Variants in SEMA3A observed in about 807,000 individuals in gnomAD.
The protein encoded by SEMA3A is semaphorin-3A.
In SEMA3A, 29 loss-of-function variants were observed where a neutral mutation model predicts 97.9. The ratio of observed to expected loss-of-function variants is 0.30; its 90% CI spans 0.22 to 0.40. The LOEUF (loss-of-function observed/expected upper bound fraction) is 0.40. SEMA3A is among the 10% of genes least tolerant of loss of function. The pLI is 1.00. For synonymous variants in SEMA3A, 321 were observed against 323.7 expected (o/e 0.99, Z 0.09); for missense variants, 763 against 951.3 (o/e 0.80, Z 2.60).
At chr7:84,064,694 G>A (rs1793404379) in intron 4 of SEMA3A, among the ~76,000 whole-genome samples, 1 of 150,952 alleles carries the variant, frequency 6.6e-6, no homozygotes, top group African/African-American at 2.4e-5. Flanking sequence ...TAATGGTAAA[G>A]GGATCAATTC....
At chr7:83,986,957 ATCTC>A (rs3073594) in intron 12 of SEMA3A, among the ~76,000 whole-genome samples, 35,098 of 149,048 alleles carry the variant, frequency 0.24, 4,332 homozygotes, top group Middle Eastern at 0.3. Flanking sequence ...CTCTTCTCTC[ATCTC>A]TCTCTCTTTC....
intron 4 of SEMA3A, among the ~76,000 whole-genome samples, chr7:84,097,319 T>C (rs1794805606): frequency 6.6e-6 from 1 of 152,144 alleles, no homozygotes; most frequent in Non-Finnish European, 1.5e-5. Context: ...AGGTAACTGA[T>C]TGAAACAGAA....
At chr7:84,303,987 C>T (rs1015414611) in intron 3 of SEMA3A, among the ~76,000 whole-genome samples, 3 of 152,078 alleles carry the variant, frequency 2.0e-5, no homozygotes, top group Middle Eastern at 3.2e-3. Context: ...CTCTTAATGG[C>T]TTTGTTTTAA....
At chr7:84,403,047 G>T (rs533868209) in intron 1 of SEMA3A, among the ~76,000 whole-genome samples, 50 of 152,228 alleles carry the variant, frequency 3.3e-4, no homozygotes, top group Middle Eastern at 6.8e-3. Flanking sequence ...CGGAGAGTGG[G>T]TGCAGGACAG....
intron 4 of SEMA3A, among the ~76,000 whole-genome samples, chr7:84,096,606 T>A (rs1794782758): frequency 6.6e-6 from 1 of 152,232 alleles, no homozygotes; most frequent in East Asian, 1.9e-4. Flanking sequence ...TTAAATTTTT[T>A]AGACTTCTCT....
chr7:84,144,003 G>A (rs1796393540), intron 1 of SEMA3A, among the ~76,000 whole-genome samples: 1 of 140,036 alleles, frequency 7.1e-6, no homozygotes, highest in African/African-American at 2.7e-5. Context: ...ACAATTTATT[G>A]TGTATGCATT....
chr7:84,148,775 C>T (rs747034528), intron 1 of SEMA3A, among the ~76,000 whole-genome samples: 29 of 152,080 alleles, frequency 1.9e-4, no homozygotes, highest in Admixed American at 3.3e-4. Context: ...GACAAGAAGC[C>T]GCTAAGATGA....
intron 2 of SEMA3A, among the ~76,000 whole-genome samples, chr7:84,359,451 G>T (rs533477160): frequency 6.6e-6 from 1 of 152,142 alleles, no homozygotes; most frequent in Non-Finnish European, 1.5e-5. Context: ...TTATTGATTT[G>T]CGTATGTTGA....
chr7:84,371,886 G>T (rs1468469936), exon 2 of SEMA3A: 1 of 151,886 alleles, frequency 6.6e-6, no homozygotes, highest in Admixed American at 6.6e-5. Flanking sequence ...CCCATGGATG[G>T]TTTTTTTAAA....
At chr7:83,988,169 C>G (rs891636107) in intron 12 of SEMA3A, among the ~76,000 whole-genome samples, 6 of 152,130 alleles carry the variant, frequency 3.9e-5, no homozygotes, top group Non-Finnish European at 7.4e-5. Flanking sequence ...CCTTTCTACT[C>G]TCCTTTGGAT....
intron 3 of SEMA3A, among the ~76,000 whole-genome samples, chr7:84,268,310 G>C (rs1053321875): frequency 2.0e-5 from 3 of 150,862 alleles, no homozygotes; most frequent in African/African-American, 7.3e-5. Context: ...TGCTCTGAGA[G>C]AGAGAACTCT....
At chr7:83,983,219 C>A (rs2116323873) in intron 13 of SEMA3A, among the ~76,000 whole-genome samples, 1 of 151,398 alleles carries the variant, frequency 6.6e-6, no homozygotes, top group South Asian at 2.1e-4. Context: ...CTTTCCTTTT[C>A]TTTTTCTTTC....
chr7:84,049,856 C>G (rs1188581097), intron 5 of SEMA3A, among the ~76,000 whole-genome samples: 2 of 109,342 alleles, frequency 1.8e-5, no homozygotes, highest in Middle Eastern at 5.2e-3. Flanking sequence ...CAATGCTATC[C>G]CTCCCCCCTC....
At chr7:84,424,963 A>T (rs1460245068) in intron 1 of SEMA3A, among the ~76,000 whole-genome samples, 18 of 102,352 alleles carry the variant, frequency 1.8e-4, no homozygotes, top group Non-Finnish European at 2.4e-4. Flanking sequence ...TTATATATAT[A>T]ATTTATATAT....
intron 3 of SEMA3A, among the ~76,000 whole-genome samples, chr7:84,303,654 C>T (rs1399271312): frequency 3.9e-5 from 6 of 152,020 alleles, no homozygotes; most frequent in Non-Finnish European, 8.8e-5. Flanking sequence ...AAGTGATAGA[C>T]ATTCAACAGA....
intron 3 of SEMA3A, among the ~76,000 whole-genome samples, chr7:84,246,746 T>C (rs564782576): frequency 6.6e-6 from 1 of 152,182 alleles, no homozygotes; most frequent in African/African-American, 2.4e-5. Flanking sequence ...AGAAAATAGC[T>C]TGATATGTAT....
At chr7:84,140,967 A>G (rs969006096) in intron 1 of SEMA3A, among the ~76,000 whole-genome samples, 6 of 152,204 alleles carry the variant, frequency 3.9e-5, no homozygotes, top group Non-Finnish European at 7.4e-5. Flanking sequence ...ATAAATTTGC[A>G]TAATGGAAAA....
At chr7:84,057,493 G>A (rs1793035487) in intron 5 of SEMA3A, among the ~76,000 whole-genome samples, 1 of 152,084 alleles carries the variant, frequency 6.6e-6, no homozygotes, top group Admixed American at 6.6e-5. Flanking sequence ...AAGGCCAGGC[G>A]CTGTGGCTCA....
At chr7:84,428,614 C>T (rs780166531) in intron 1 of SEMA3A, among the ~76,000 whole-genome samples, 1 of 151,956 alleles carries the variant, frequency 6.6e-6, no homozygotes, top group Non-Finnish European at 1.5e-5. Context: ...ATATCTCAAG[C>T]ACTTTATAAT....
Sources: gnomAD v4.1 joint callset for allele counts (sites outside exome capture counted in the v4.1 genomes callset) on GRCh38, gnomAD v4.1.1 for gene constraint, MANE v1.5 for transcripts, NCBI Gene and HGNC (gene_info 2026-07-23, HGNC 2026-07-21) for gene names.